EYA2: variants seen among roughly 807,000 people sequenced by gnomAD.
The protein encoded by EYA2 is EYA transcriptional coactivator and phosphatase 2.
EYA2 carries 31 observed loss-of-function variants against 69.2 expected under a neutral mutation model. The ratio of observed to expected loss-of-function variants is 0.45; its 90% CI spans 0.34 to 0.60. The LOEUF is 0.60. EYA2 is among the 20% of genes least tolerant of loss of function. EYA2 has a pLI of 0.02. For missense variants in EYA2, 622 were observed against 701.2 expected, an observed-to-expected ratio of 0.89 and a Z score of 1.28; for synonymous variants, 257 against 279.4, an observed-to-expected ratio of 0.92 and a Z score of 0.80.
rs79449231 is a variant in EYA2, at chr20:47,040,842, G to C, written c.415+24545G>C. On this transcript the variant is annotated intron_variant, in intron 5 of 15. Coordinates refer to ENST00000327619, the MANE Select transcript of EYA2 (RefSeq NM_005244.5). ...AGAAATGGGAGTGTCTGGGGGTTAG[G>C]GGGGAGGTTAAAAAACCAAAACCTG... 3.3e-5 allele frequency among the ~76,000 whole-genome samples: 5 copies of C among 152,130 alleles called. No individual in the cohort carries two copies. In the East Asian group the frequency reaches 7.7e-4, roughly 23 times the overall value.
chr20:46,987,886 C>T (rs1485736100), intron 1 of EYA2, among the ~76,000 whole-genome samples: 1 of 140,184 alleles, frequency 7.1e-6, no homozygotes, highest in Non-Finnish European at 1.5e-5. Context: ...AAGATTGCAC[C>T]ACTGTACTCC....
At chr20:47,141,864 T>A (rs1281127397) in intron 9 of EYA2, among the ~76,000 whole-genome samples, 2 of 152,208 alleles carry the variant, frequency 1.3e-5, no homozygotes, top group African/African-American at 4.8e-5. Context: ...CTAAGTAACA[T>A]GCGTATGTGC....
intron 2 of EYA2, among the ~76,000 whole-genome samples, chr20:46,994,417 A>G (rs1039529429): frequency 2.0e-5 from 3 of 152,198 alleles, no homozygotes; most frequent in African/African-American, 7.2e-5. Context: ...TAAAATGCAC[A>G]TGCATTTTTC....
intron 5 of EYA2, among the ~76,000 whole-genome samples, chr20:47,045,376 C>T (rs79756766): frequency 0.065 from 9,825 of 152,212 alleles, 431 homozygotes; most frequent in South Asian, 0.097. Context: ...TTTTAAGGCC[C>T]GGACTCAGAA....
At chr20:46,902,108 T>C (rs1470171970) in intron 1 of EYA2, among the ~76,000 whole-genome samples, 3 of 152,132 alleles carry the variant, frequency 2.0e-5, no homozygotes, top group Non-Finnish European at 4.4e-5. Context: ...ATCAGGCTTT[T>C]TTTGAGGGGG....
chr20:46,922,015 C>T (rs949369094), intron 1 of EYA2, among the ~76,000 whole-genome samples: 3 of 152,150 alleles, frequency 2.0e-5, no homozygotes, highest in Non-Finnish European at 4.4e-5. Flanking sequence ...CTCATGTCTA[C>T]TAGACACAGC....
In EYA2 at chr20:46,897,137, C is replaced by T. The variant is rs150153900; in HGVS notation, c.-11+2150C>T. Among the ~76,000 whole-genome samples the T allele has an allele frequency of 6.2e-3, 950 of 152,180 alleles. 4 individuals are homozygous for T. The highest frequency in any genetic ancestry group is 0.01 in the Non-Finnish European group (704 of 68,022). On this transcript the variant is annotated intron_variant, in intron 1 of 15. Transcript: ENST00000327619. ...TTATAGGATTACCATTTGGCAAAAA[C>T]GCCCAAGACACGCTGTTTCAAATAT...
chr20:47,047,943 G>A (rs908499887), intron 5 of EYA2, among the ~76,000 whole-genome samples: 1 of 151,986 alleles, frequency 6.6e-6, no homozygotes, highest in African/African-American at 2.4e-5. Flanking sequence ...CTCCCAAAGT[G>A]CTAGGATTAC....
intron 9 of EYA2, among the ~76,000 whole-genome samples, chr20:47,127,847 A>G (rs2033238115): frequency 6.6e-6 from 1 of 152,244 alleles, no homozygotes; most frequent in South Asian, 2.1e-4. Context: ...GGAAGGACTG[A>G]CCGTGGCATC....
At chr20:46,921,194 C>G (rs1208965676) in intron 1 of EYA2, among the ~76,000 whole-genome samples, 2 of 152,260 alleles carry the variant, frequency 1.3e-5, no homozygotes, top group Non-Finnish European at 2.9e-5. Flanking sequence ...TTGGAGCCAG[C>G]AATGCGCCGG....
chr20:47,050,188 C>T (rs796537583), intron 5 of EYA2, among the ~76,000 whole-genome samples: 5 of 152,354 alleles, frequency 3.3e-5, no homozygotes, highest in African/African-American at 1.2e-4. Flanking sequence ...GCATGGTTCT[C>T]AGGTATGCCT....
At chr20:47,070,764 C>A (rs762070390) in intron 5 of EYA2, among the ~76,000 whole-genome samples, 6 of 152,288 alleles carry the variant, frequency 3.9e-5, no homozygotes, top group Non-Finnish European at 5.9e-5. Context: ...TGCCACTGAA[C>A]TGTACACTTT....
At chr20:46,906,880 G>C (rs1984383656) in intron 1 of EYA2, among the ~76,000 whole-genome samples, 1 of 152,200 alleles carries the variant, frequency 6.6e-6, no homozygotes, top group Non-Finnish European at 1.5e-5. Context: ...ACAGGCATGA[G>C]AAGGGGCTGA....
chr20:47,018,560 G>A (rs182035529), intron 5 of EYA2, among the ~76,000 whole-genome samples: 4 of 152,316 alleles, frequency 2.6e-5, no homozygotes, highest in South Asian at 2.1e-4. Context: ...GGGGCCTCCC[G>A]ATGGAAAGGA....
At chr20:47,013,946 C>A (rs190391442) in intron 4 of EYA2, among the ~76,000 whole-genome samples, 56 of 152,308 alleles carry the variant, frequency 3.7e-4, no homozygotes, top group Admixed American at 1.2e-3. Context: ...AGGTAAGGAA[C>A]CTTGACTTCA....
At chr20:47,173,010 T>C in intron 12 of EYA2, 143 bp downstream of exon 12, 1 of 886,894 alleles carries the variant, frequency 1.1e-6, no homozygotes. Context: ...ACGACACCCT[T>C]CGGAATAGAG....
At chr20:46,909,017 C>A (rs1024334474) in intron 1 of EYA2, among the ~76,000 whole-genome samples, 1 of 150,992 alleles carries the variant, frequency 6.6e-6, no homozygotes, top group Non-Finnish European at 1.5e-5. Flanking sequence ...AAGGAGCAAT[C>A]AGCTTGCTTC....
intron 2 of EYA2, among the ~76,000 whole-genome samples, chr20:46,990,638 C>G (rs532333064): frequency 6.6e-6 from 1 of 152,356 alleles, no homozygotes; most frequent in South Asian, 2.1e-4. Context: ...TGCAGTCGAA[C>G]TAGTTTTCAC....
chr20:46,938,367 C>T (rs1026653535), intron 1 of EYA2, among the ~76,000 whole-genome samples: 7 of 152,290 alleles, frequency 4.6e-5, no homozygotes, highest in East Asian at 3.9e-4. Flanking sequence ...TCTATTACTG[C>T]ATAACAAGTT....
Sources: allele counts gnomAD v4.1 joint callset (sites outside exome capture counted in the v4.1 genomes callset), GRCh38; gene constraint gnomAD v4.1.1; transcripts MANE v1.5; gene names NCBI Gene and HGNC (gene_info 2026-07-23, HGNC 2026-07-21).